LRIT1: variants seen among roughly 807,000 people sequenced by gnomAD.
LRIT1 encodes leucine rich repeat, Ig-like and transmembrane domains 1.
Under a neutral mutation model 24.0 loss-of-function variants are expected in LRIT1, and 23 were observed. The observed-to-expected ratio is 0.96, with a 90% confidence interval of 0.69 to 1.36. The LOEUF (loss-of-function observed/expected upper bound fraction) is 1.36. Among genes scored for constraint, LRIT1 ranks in the 40% most tolerant of loss-of-function variants. LRIT1 has a pLI of 0.00. For missense variants in LRIT1, 846 were observed against 806.3 expected, an observed-to-expected ratio of 1.05 and a Z score of -0.60; for synonymous variants, 361 against 340.5, an observed-to-expected ratio of 1.06 and a Z score of -0.66.
chr10:84,232,872 G>A lies in LRIT1; in HGVS notation c.927C>T (p.Ser309=). The stretch of plus-strand genomic sequence containing the variant: ...CTGCAGGCAGGCCCAGCAGAGTCCA[G>A]CTCGTGCCGTCACTGGAGACTTCCT... The part of the protein sequence containing the change: ...VHQEVSSDGT[S]WTLLGLPAVS... The change falls in exon 4 of 4, where the codon AGC becomes AGT. Residue 309 remains serine (S), a synonymous_variant. Transcript: ENST00000372105. The A allele has an allele frequency of 6.2e-7, 1 of 1,612,660 alleles. No individual in the cohort carries two copies.
chr10:84,236,620 T>G (rs1281893144), intron 2 of LRIT1, among the ~76,000 whole-genome samples: 1 of 152,216 alleles, frequency 6.6e-6, no homozygotes, highest in East Asian at 1.9e-4. Context: ...TGTATGTGTG[T>G]ATATGTATAT....
In LRIT1 at chr10:84,234,225, A is replaced by G. The variant is rs1335986796; in HGVS notation, c.743T>C (p.Leu248Pro). 5 of 1,613,828 alleles carry G rather than the reference A, an allele frequency of 3.1e-6. No homozygotes were observed. Among genetic ancestry groups the G allele is most frequent in the Non-Finnish European group, 4.2e-6 (5 of 1,179,974 alleles). Reference sequence around the variant, plus strand: ...GAGCTCTGGGCCCTGGCACTTCCTCAGTTCAAGCTGGCTGAAGGCCACTCC... The same window carrying G: ...GAGCTCTGGGCCCTGGCACTTCCTCGGTTCAAGCTGGCTGAAGGCCACTCC... ...LAGVAFSQLELRKCQGPELHP... is the reference protein window; with the variant it reads ...LAGVAFSQLEPRKCQGPELHP... The change falls in exon 3 of 4, where the codon CTG (leucine) becomes CCG (proline). Residue 248 changes from leucine (L) to proline (P), a missense_variant. By Grantham distance (98) the Leu-to-Pro change is moderately conservative. Transcript: ENST00000372105.
chr10:84,232,573 T>A lies in LRIT1; in HGVS notation c.1226A>T (p.His409Leu). 6.2e-7 allele frequency: 1 copy of A among 1,614,070 alleles called. No homozygotes were observed. Among genetic ancestry groups the A allele is most frequent in the Non-Finnish European group, 8.5e-7 (1 of 1,179,952 alleles). Residue 409 changes from histidine (H) to leucine (L), a missense_variant, in exon 4 of 4, where the codon CAC (histidine) becomes CTC (leucine). Transcript: ENST00000372105. ...CTCTCCCAGGGCATCCATCTGGAAG[T>A]GCTCAAGGGTCAGCTCCTCCTTTGT... ...PSTKEELTLEHFQMDALGELS... is the reference protein window; with the variant it reads ...PSTKEELTLELFQMDALGELS...
intron 2 of LRIT1, among the ~76,000 whole-genome samples, chr10:84,236,952 G>C (rs1233651652): frequency 2.6e-5 from 4 of 152,138 alleles, no homozygotes; most frequent in Admixed American, 2.0e-4. Context: ...CTGGTGTAGT[G>C]TACTAACCCA....
rs1212908887 is a variant in LRIT1 at position 84,237,450 on chromosome 10, G to A, written c.359C>T (p.Ala120Val). 6 of 1,557,546 alleles carry A rather than the reference G, an allele frequency of 3.9e-6. No individual in the cohort carries two copies. Among genetic ancestry groups the A allele is most frequent in the Admixed American group, 3.8e-5 (2 of 52,302 alleles). The stretch of plus-strand genomic sequence containing the variant: ...CCTGAGCGCCGCCCAGGGGAAGGCG[G>A]CCAGGCGGTTCCCGGGCAGCCGCAG... ...RELRLPGNRL[A>V]AFPWAALRDA... The change falls in exon 2 of 4, where the codon GCC becomes GTC. Residue 120 changes from alanine (A) to valine (V), a missense_variant. Transcript: ENST00000372105.
At chr10:84,240,343 G>T (rs895998827) in intron 1 of LRIT1, among the ~76,000 whole-genome samples, 2 of 152,182 alleles carry the variant, frequency 1.3e-5, no homozygotes, top group Admixed American at 1.3e-4. Flanking sequence ...GCTCATTCTG[G>T]TTCTCAGATC....
At chr10:84,236,869 G>A (rs781060710) in intron 2 of LRIT1, among the ~76,000 whole-genome samples, 18 of 152,194 alleles carry the variant, frequency 1.2e-4, no homozygotes, top group South Asian at 2.1e-4. Flanking sequence ...CCTTGGGCAG[G>A]AAAGATCTGG....
chr10:84,236,998 C>T (rs2132865882), intron 2 of LRIT1, among the ~76,000 whole-genome samples: 1 of 152,202 alleles, frequency 6.6e-6, no homozygotes, highest in East Asian at 1.9e-4. Context: ...TCTCAGGGGC[C>T]TTCTCCTGGT....
At position 84,234,154 on chromosome 10, in the gene LRIT1, G is replaced by A. The variant is rs3814206; in HGVS notation, c.814C>T (p.Leu272=). The A allele has an allele frequency of 0.47, 760,069 of 1,613,158 alleles. 185,605 individuals carry two copies. Among genetic ancestry groups the A allele is most frequent in the African/African-American group, 0.84 (62,677 of 74,970 alleles). ...SIRSLLGGTA[L]LRCGATGVPG... is the part of the protein sequence containing the mutation. ...ACTCCAGTAGCTCCACAGCGTAGCA[G>A]TGCTGTGCCACCCAAAAGGGACCTG... is the stretch of plus-strand genomic sequence containing the variant. The change falls in exon 3 of 4, where the codon CTG becomes TTG. Residue 272 remains leucine (L), a synonymous_variant. Transcript: ENST00000372105.
At chr10:84,235,149 T>C (rs1564543903) in intron 2 of LRIT1, among the ~76,000 whole-genome samples, 1 of 152,216 alleles carries the variant, frequency 6.6e-6, no homozygotes, top group Non-Finnish European at 1.5e-5. Flanking sequence ...CAAAGACTTA[T>C]TGAATTTAAT....
intron 2 of LRIT1, 53 bp downstream of exon 2, chr10:84,237,167 A>T: frequency 5.4e-6 from 7 of 1,308,000 alleles, no homozygotes; most frequent in Non-Finnish European, 7.5e-6. Flanking sequence ...ATCGAAACTC[A>T]GGGAAGCGTG....
intron 1 of LRIT1, among the ~76,000 whole-genome samples, chr10:84,238,574 G>T (rs1842670821): frequency 6.6e-6 from 1 of 152,250 alleles, no homozygotes; most frequent in Admixed American, 6.5e-5. Flanking sequence ...CTTGCTGGCT[G>T]TGTGTCCTTG....
intron 2 of LRIT1, 84 bp downstream of exon 2, chr10:84,237,136 A>C (rs936382126): frequency 9.0e-7 from 1 of 1,106,426 alleles, no homozygotes; most frequent in East Asian, 2.6e-5. Context: ...GAAGGAAGGT[A>C]TGATTTCAAT....
intron 1 of LRIT1, among the ~76,000 whole-genome samples, chr10:84,238,374 G>A (rs148963625): frequency 3.0e-3 from 456 of 151,838 alleles, no homozygotes; most frequent in African/African-American, 9.4e-3. Flanking sequence ...AAAAGTGTTC[G>A]TTTGTTAAAT....
chr10:84,237,189 A>C, intron 2 of LRIT1, 31 bp downstream of exon 2: 1 of 1,481,060 alleles, frequency 6.8e-7, no homozygotes, highest in Non-Finnish European at 9.2e-7. Context: ...TAACTTGCCT[A>C]AGACCCCAGG....
intron 1 of LRIT1, among the ~76,000 whole-genome samples, chr10:84,240,259 G>A (rs1842681906): frequency 6.6e-6 from 1 of 152,224 alleles, no homozygotes; most frequent in African/African-American, 2.4e-5. Flanking sequence ...TCAGGGCTCA[G>A]CCTGGCTTCT....
intron 1 of LRIT1, among the ~76,000 whole-genome samples, 181 bp from the exon 2 acceptor site, chr10:84,237,867 G>A (rs1168618424): frequency 6.6e-6 from 1 of 152,134 alleles, no homozygotes; most frequent in Non-Finnish European, 1.5e-5. Context: ...TTTTCCCTTT[G>A]CAGAGGTCTT....
Position 84,237,282 on chromosome 10 carries a change from A to G in LRIT1, c.527T>C (p.Val176Ala), listed in dbSNP as rs1842656738. 1 of 1,550,864 alleles carries G rather than the reference A, an allele frequency of 6.4e-7. No individual in the cohort carries two copies. Among genetic ancestry groups the G allele is most frequent in the Non-Finnish European group, 8.7e-7 (1 of 1,146,938 alleles). Residue 176 changes from valine (V) to alanine (A), a missense_variant, in exon 2 of 4, where the codon GTC becomes GCC. Coordinates refer to ENST00000372105, the MANE Select transcript of LRIT1 (RefSeq NM_015613.3). ...QLMRLPQELI[V>A]SWAHLETGIF... ...ACCGGTCTCCAGGTGAGCCCAGGAG[A>G]CGATGAGCTCCTGCGGGAGCCTCAT...
chr10:84,234,463 G>T, intron 2 of LRIT1, 85 bp from the exon 3 acceptor site: 4 of 1,106,534 alleles, frequency 3.6e-6, no homozygotes, highest in Non-Finnish European at 5.1e-6. Flanking sequence ...TGGAAGGACA[G>T]GCAGGTCCTC....
Sources: gnomAD v4.1 joint callset for allele counts (sites outside exome capture counted in the v4.1 genomes callset) on GRCh38, gnomAD v4.1.1 for gene constraint, MANE v1.5 for transcripts, NCBI Gene and HGNC (gene_info 2026-07-23, HGNC 2026-07-21) for gene names.